The following MEG3 variants were observed in gnomAD, a reference collection of about 807,000 sequenced individuals.
The protein encoded by MEG3 is maternally expressed 3.
intron 2 of MEG3, among the ~76,000 whole-genome samples, chr14:100,838,012 C>G (rs2037640592): frequency 6.6e-6 from 1 of 152,116 alleles, no homozygotes. Context: ...GCTGAGCCAC[C>G]TGCAAACACA....
intron 2 of MEG3, among the ~76,000 whole-genome samples, chr14:100,836,519 G>A (rs376062756): frequency 6.6e-6 from 1 of 152,108 alleles, no homozygotes; most frequent in African/African-American, 2.4e-5. Flanking sequence ...CACCCTGGCT[G>A]ATGGCATGCT....
At chr14:100,838,088 G>C (rs7143024) in intron 2 of MEG3, among the ~76,000 whole-genome samples, 17,377 of 152,132 alleles carry the variant, frequency 0.11, 2,100 homozygotes, top group African/African-American at 0.31. Context: ...GTCCTGGGGG[G>C]ATCCTGTCCC....
intron 3 of MEG3, chr14:100,848,520 A>G (rs932187606): frequency 1.3e-5 from 2 of 152,240 alleles, no homozygotes; most frequent in African/African-American, 4.8e-5. Flanking sequence ...GATGAGGGTC[A>G]TTGATCCTGG....
rs989369848 is a variant in MEG3 at position 100,845,498 on chromosome 14, G to A, written n.3086G>A. 13 of 456,680 alleles carry A rather than the reference G, an allele frequency of 2.8e-5. No homozygotes were observed. The highest frequency in any genetic ancestry group is 8.0e-5 in the African/African-American group (4 of 50,096). 28.3% of individuals were successfully genotyped at this position (456,680 alleles called of 1,614,324 possible). Reference sequence around the variant, plus strand: ...GGATGCCTACGTGGGAAGGGACCTCGAATGTGGGACCCCAGCCCCTCTCCA... The same window carrying A: ...GGATGCCTACGTGGGAAGGGACCTCAAATGTGGGACCCCAGCCCCTCTCCA... On this transcript the variant is annotated non_coding_transcript_exon_variant, in exon 3 of 4. Transcript: ENST00000398461. The surrounding 1 kb of genome is among the most constrained non-coding windows in gnomAD (Gnocchi z 5.2).
chr14:100,837,697 C>T lies in MEG3; in HGVS notation n.3045+1397C>T, dbSNP rs557325679. 3.3e-5 allele frequency among the ~76,000 whole-genome samples: 5 copies of T among 151,114 alleles called. No homozygotes were observed. The East Asian group carries it at 9.9e-4, about 30-fold the overall frequency. ...CCACCCCCGGAGTGTCTCTGGTTTC[C>T]GACGCAGCCTCGTAATGCTCTTTAA... On this transcript the variant is annotated intron_variant and non_coding_transcript_variant, in intron 2 of 3. Coordinates refer to the MEG3 transcript ENST00000398461. This position sits in a 1 kb window ranked among gnomAD's most constrained non-coding sequence, Gnocchi z 5.8.
chr14:100,845,650 G>A lies in MEG3; in HGVS notation n.3121+117G>A. The A allele has an allele frequency of 2.7e-6, 1 of 371,818 alleles. No individual in the cohort carries two copies. Among genetic ancestry groups the A allele is most frequent in the Admixed American group, 3.3e-5 (1 of 30,638 alleles). 23.0% of individuals were successfully genotyped at this position (371,818 alleles called of 1,614,324 possible). A position where few individuals can be genotyped will look rare whatever the true frequency, so the allele number is the denominator to read the frequency against. ...GAGGGGCTGGCGGGCACTGGCCGGG[G>A]GTCTGTGCACCGGGAGGTGGGTGCC... is the stretch of plus-strand genomic sequence containing the variant. On this transcript the variant is annotated intron_variant and non_coding_transcript_variant, in intron 3 of 3. Transcript: ENST00000398461. This position sits in a 1 kb window ranked among gnomAD's most constrained non-coding sequence, Gnocchi z 5.2.
chr14:100,846,227 T>C (rs1438318183), intron 3 of MEG3: 4 of 152,230 alleles, frequency 2.6e-5, no homozygotes, highest in Non-Finnish European at 5.9e-5. Context: ...CTATGTACCA[T>C]GTGTGTGTCT....
chr14:100,842,405 C>T lies in MEG3; in HGVS notation n.3046-3053C>T, dbSNP rs535242528. ...AAATTAGAGGGCTGATGGGGGCCTG[C>T]GAGAGAGAGGGGACATGATTTCAAA... On this transcript the variant is annotated intron_variant and non_coding_transcript_variant, in intron 2 of 3. Transcript: ENST00000398461. 1.2e-4 allele frequency among the ~76,000 whole-genome samples: 19 copies of T among 152,204 alleles called. No individual in the cohort carries two copies. The East Asian group carries it at 3.1e-3, about 25-fold the overall frequency.
upstream of MEG3, chr14:100,852,655 G>A (rs960425257): frequency 3.4e-6 from 1 of 294,598 alleles, no homozygotes; most frequent in Non-Finnish European, 6.8e-6. Flanking sequence ...GACCGGGAGG[G>A]TCTTTCAAAA....
In MEG3 at chr14:100,841,054, G is replaced by A. The variant is rs539398826; in HGVS notation, n.3046-4404G>A. Reference sequence around the variant, plus strand: ...TTAGCCAGGAGAGGAGGGGGTCATGGTGGCCCGCAGGGATGGTGGGCAGCT... The same window carrying A: ...TTAGCCAGGAGAGGAGGGGGTCATGATGGCCCGCAGGGATGGTGGGCAGCT... On this transcript the variant is annotated intron_variant and non_coding_transcript_variant, in intron 2 of 3. Coordinates refer to the MEG3 transcript ENST00000398461. 2.6e-5 allele frequency among the ~76,000 whole-genome samples: 4 copies of A among 152,236 alleles called. No homozygotes were observed. In the South Asian group the frequency reaches 8.3e-4, roughly 31 times the overall value.
chr14:100,852,053 C>T (rs1472394639), intron 3 of MEG3: 7 of 301,132 alleles, frequency 2.3e-5, no homozygotes, highest in Admixed American at 1.8e-4. Context: ...CTTGGATGGA[C>T]TCAGGACTTG....
intron 2 of MEG3, among the ~76,000 whole-genome samples, chr14:100,841,043 AG>A (rs1286932958): frequency 6.6e-6 from 1 of 152,082 alleles, no homozygotes; most frequent in African/African-American, 2.4e-5. Flanking sequence ...CCAGGAGAGG[AG>A]GGGGTCATGG....
chr14:100,842,934 G>A (rs1265721101), intron 2 of MEG3, among the ~76,000 whole-genome samples: 4 of 152,274 alleles, frequency 2.6e-5, no homozygotes, highest in African/African-American at 9.6e-5. Context: ...AGGAGGCCTC[G>A]TGTTTTTCTT....
At chr14:100,830,208 G>C (rs1210166988), downstream of MEG3, 1 of 152,130 alleles carries the variant, frequency 6.6e-6, no homozygotes, top group Non-Finnish European at 1.5e-5. Context: ...CAGCTGCCTG[G>C]GGTGGTCTTG....
At chr14:100,838,043 G>A (rs1035983205) in intron 2 of MEG3, among the ~76,000 whole-genome samples, 1 of 152,164 alleles carries the variant, frequency 6.6e-6, no homozygotes, top group Non-Finnish European at 1.5e-5. Context: ...GAAGAGGCCC[G>A]GGAGGGGAGG....
chr14:100,860,869 G>C (rs1490976115), exon 2 of MEG3: 2 of 359,366 alleles, frequency 5.6e-6, no homozygotes, highest in Non-Finnish European at 1.1e-5. Flanking sequence ...CTGAGGCCTA[G>C]GGGAGCTGTT....
chr14:100,840,881 G>A (rs908684204), intron 2 of MEG3, among the ~76,000 whole-genome samples: 10 of 152,226 alleles, frequency 6.6e-5, no homozygotes, highest in Admixed American at 6.5e-5. Context: ...CCGCATGTCT[G>A]CGCCGGCCTC....
chr14:100,830,832 C>T (rs936905974), downstream of MEG3: 4 of 152,390 alleles, frequency 2.6e-5, no homozygotes, highest in African/African-American at 9.7e-5. Context: ...CAATAGCTGC[C>T]CAGCCTCTGA....
chr14:100,835,350 T>TC (rs1398561285), exon 1 of MEG3: 1 of 154,228 alleles, frequency 6.5e-6, no homozygotes, highest in Admixed American at 6.5e-5. Flanking sequence ...GATGCCTTCC[T>TC]CCCCCGGGGC....
Sources: gnomAD v4.1 joint callset for allele counts (sites outside exome capture counted in the v4.1 genomes callset) on GRCh38, gnomAD v4.1.1 for gene constraint, Gnocchi (gnomAD v3.1) non-coding constraint, MANE v1.5 for transcripts, NCBI Gene and HGNC (gene_info 2026-07-23, HGNC 2026-07-21) for gene names.